CAST: variants seen among roughly 807,000 people sequenced by gnomAD.
The protein encoded by CAST is calpastatin, also known as MIR583 host.
Under a neutral mutation model 119.6 loss-of-function variants are expected in CAST, and 76 were observed. The ratio of observed to expected loss-of-function variants is 0.64; its 90% CI spans 0.53 to 0.77. The LOEUF is 0.77. Among genes scored for constraint, CAST ranks in the 30% least tolerant of loss-of-function variants. The pLI is 0.00. For synonymous variants in CAST, 319 were observed against 331.6 expected (o/e 0.96, Z 0.41); for missense variants, 953 against 946.5 (o/e 1.01, Z -0.09).
At position 96,750,527 on chromosome 5, in the gene CAST, A is replaced by G. The variant is rs960352574; in HGVS notation, c.1429-60A>G. 3.9e-6 allele frequency: 4 copies of G among 1,017,498 alleles called. No individual in the cohort carries two copies. In the Admixed American group the frequency reaches 6.8e-5, roughly 17 times the overall value. The allele number at this position is 1,017,498 out of a possible 1,614,324, so 63.0% of individuals were successfully genotyped here. A position where few individuals can be genotyped will look rare whatever the true frequency, so the allele number is the denominator to read the frequency against. On this transcript the variant is annotated intron_variant, in intron 19 of 31. Coordinates refer to ENST00000675179, the MANE Select transcript of CAST (RefSeq NM_001750.7). ...CGGAGTGTCTTGTTGGTCTACCATT[A>G]CTCAGTCTTATTAACCAAATATTTC...
At chr5:96,208,944 G>A in the CAST span, among the ~76,000 whole-genome samples, 1 of 151,840 alleles carries the variant, frequency 6.6e-6, no homozygotes, top group Non-Finnish European at 1.5e-5. Context: ...TATTATTATT[G>A]TATTGTTATC....
At chr5:96,669,245 T>C (rs1749754145) in intron 1 of CAST, among the ~76,000 whole-genome samples, 1 of 152,238 alleles carries the variant, frequency 6.6e-6, no homozygotes, top group South Asian at 2.1e-4. Flanking sequence ...ATAATTTTGC[T>C]TTAGCAAGTA....
intron 3 of CAST, among the ~76,000 whole-genome samples, chr5:96,708,133 C>T (rs2150345817): frequency 6.6e-6 from 1 of 152,344 alleles, no homozygotes; most frequent in South Asian, 2.1e-4. Context: ...TAAATATTCT[C>T]ATGCTAACAA....
intron 1 of CAST, among the ~76,000 whole-genome samples, chr5:96,545,779 CAT>C (rs1746000116): frequency 6.6e-6 from 1 of 152,222 alleles, no homozygotes. Flanking sequence ...GGCTGACTGA[CAT>C]ACATGGAGTG....
chr5:96,184,039 T>G, the CAST span, among the ~76,000 whole-genome samples: 2 of 152,210 alleles, frequency 1.3e-5, no homozygotes, highest in Admixed American at 6.5e-5. Context: ...GTGAGGCATT[T>G]AGAATGAGGG....
chr5:96,632,060 T>C (rs1048831278), intron 1 of CAST, among the ~76,000 whole-genome samples: 4 of 151,194 alleles, frequency 2.6e-5, no homozygotes, highest in African/African-American at 9.8e-5. Context: ...GCTATCCTAG[T>C]GGGTATGAAG....
chr5:96,206,194 A>G, the CAST span, among the ~76,000 whole-genome samples: 4 of 151,572 alleles, frequency 2.6e-5, 1 homozygote, highest in South Asian at 8.3e-4. Context: ...CTTATGGATT[A>G]TAGATAGTAG....
chr5:96,736,055 C>T (rs558217498), intron 9 of CAST, 117 bp from the exon 10 acceptor site: 7 of 629,762 alleles, frequency 1.1e-5, no homozygotes, highest in South Asian at 4.1e-5. Flanking sequence ...TGCTGTAGAG[C>T]GGATGTTCAG....
At chr5:96,759,736 C>T (rs985291645) in intron 24 of CAST, among the ~76,000 whole-genome samples, 1 of 151,716 alleles carries the variant, frequency 6.6e-6, no homozygotes, top group African/African-American at 2.4e-5. Flanking sequence ...TAAATTTTAA[C>T]AGAGTAATAT....
At chr5:96,741,395 G>A in intron 14 of CAST, 37 bp downstream of exon 14, 1 of 1,490,252 alleles carries the variant, frequency 6.7e-7, no homozygotes, top group Non-Finnish European at 9.4e-7. Context: ...AACTTGTTAG[G>A]AACTATTTTG....
the CAST span, among the ~76,000 whole-genome samples, chr5:96,096,969 C>T: frequency 6.6e-6 from 1 of 152,120 alleles, no homozygotes; most frequent in African/African-American, 2.4e-5. Flanking sequence ...TAAAGATCAT[C>T]GAAATTCTCC....
At chr5:96,753,708 A>T (rs151224545) in intron 20 of CAST, among the ~76,000 whole-genome samples, 1 of 152,224 alleles carries the variant, frequency 6.6e-6, no homozygotes, top group African/African-American at 2.4e-5. Context: ...TGTGCCGTCT[A>T]TGGAATGATC....
chr5:96,212,732 CA>C, the CAST span, among the ~76,000 whole-genome samples: 10 of 152,120 alleles, frequency 6.6e-5, no homozygotes, highest in Non-Finnish European at 1.2e-4. Context: ...TCAGTTTCAC[CA>C]GTTTTTGTTT....
At chr5:96,004,468 A>T in the CAST span, among the ~76,000 whole-genome samples, 1 of 152,232 alleles carries the variant, frequency 6.6e-6, no homozygotes, top group Non-Finnish European at 1.5e-5. Context: ...ACAAAATAAC[A>T]TGATATTTTA....
chr5:96,393,388 A>T, the CAST span: 1 of 1,613,416 alleles, frequency 6.2e-7, no homozygotes, highest in Non-Finnish European at 8.5e-7. Context: ...CCTAAAACAT[A>T]GAATGCCATC....
the CAST span, among the ~76,000 whole-genome samples, chr5:96,144,357 G>A: frequency 6.6e-6 from 1 of 152,140 alleles, no homozygotes; most frequent in East Asian, 1.9e-4. Flanking sequence ...AACGGAGTTT[G>A]AGACCTGCCC....
chr5:96,301,602 C>T, the CAST span, among the ~76,000 whole-genome samples: 1 of 152,114 alleles, frequency 6.6e-6, no homozygotes, highest in African/African-American at 2.4e-5. Flanking sequence ...GTAAATACAC[C>T]CATTACAAGA....
At chr5:96,461,378 T>G in the CAST span, among the ~76,000 whole-genome samples, 6 of 152,144 alleles carry the variant, frequency 3.9e-5, no homozygotes, top group Admixed American at 2.0e-4. Flanking sequence ...TATATAACGG[T>G]AGAATTGTCG....
At chr5:96,504,104 A>G in the CAST span, among the ~76,000 whole-genome samples, 3 of 152,116 alleles carry the variant, frequency 2.0e-5, no homozygotes, top group Admixed American at 2.0e-4. Context: ...TATTGTTTGA[A>G]TGCACGGCCT....
Sources: gnomAD v4.1 joint callset for allele counts (sites outside exome capture counted in the v4.1 genomes callset) on GRCh38, gnomAD v4.1.1 for gene constraint, MANE v1.5 for transcripts, NCBI Gene and HGNC (gene_info 2026-07-23, HGNC 2026-07-21) for gene names.